KIF16B: variants seen among roughly 807,000 people sequenced by gnomAD.
KIF16B encodes kinesin-like protein KIF16B.
KIF16B carries 98 observed loss-of-function variants against 156.3 expected under a neutral mutation model. The observed-to-expected ratio is 0.63, with a 90% CI of 0.53 to 0.74. The LOEUF is 0.74. KIF16B is among the 30% of genes least tolerant of loss of function. KIF16B has a pLI of 0.00. For missense variants in KIF16B, 1,421 were observed against 1,606.5 expected (o/e 0.88, Z 1.97); for synonymous variants, 564 against 583.7 (o/e 0.97, Z 0.49).
intron 25 of KIF16B, among the ~76,000 whole-genome samples, chr20:16,311,215 G>A (rs991008983): frequency 1.3e-5 from 2 of 152,222 alleles, no homozygotes; most frequent in Non-Finnish European, 2.9e-5. Context: ...AGGGCTGGGC[G>A]CAGTGGCTCA....
intron 23 of KIF16B, among the ~76,000 whole-genome samples, chr20:16,355,724 G>A (rs950243455): frequency 2.6e-5 from 4 of 152,172 alleles, no homozygotes; most frequent in Non-Finnish European, 5.9e-5. Context: ...AAACCATGAC[G>A]TAAGGAAACA....
chr20:16,341,607 C>T (rs902968317), intron 23 of KIF16B, among the ~76,000 whole-genome samples: 2 of 152,226 alleles, frequency 1.3e-5, no homozygotes, highest in African/African-American at 4.8e-5. Flanking sequence ...CTTCTGCCCT[C>T]GATATTTCAG....
At chr20:16,509,395 A>C (rs2068887159) in intron 6 of KIF16B, among the ~76,000 whole-genome samples, 1 of 152,168 alleles carries the variant, frequency 6.6e-6, no homozygotes, top group Non-Finnish European at 1.5e-5. Flanking sequence ...ACTATTGCAA[A>C]ATTGTTCTCC....
At chr20:16,352,294 C>A (rs1377274863) in intron 23 of KIF16B, among the ~76,000 whole-genome samples, 2 of 152,220 alleles carry the variant, frequency 1.3e-5, no homozygotes, top group East Asian at 3.8e-4. Flanking sequence ...TCTTAAAAAA[C>A]TAAATGAGAT....
intron 22 of KIF16B, chr20:16,369,068 A>G: frequency 1.0e-6 from 1 of 985,830 alleles, no homozygotes; most frequent in Non-Finnish European, 1.2e-6. Flanking sequence ...GGTACTGAGG[A>G]CTGATCCCTC....
intron 24 of KIF16B, among the ~76,000 whole-genome samples, chr20:16,314,604 C>T (rs1375111354): frequency 2.0e-5 from 3 of 152,216 alleles, no homozygotes; most frequent in Admixed American, 6.5e-5. Flanking sequence ...TTACTAGCTA[C>T]GTTTCTCTGA....
At chr20:16,573,109 G>T in intron 1 of KIF16B, 120 bp downstream of exon 1, 1 of 966,472 alleles carries the variant, frequency 1.0e-6, no homozygotes, top group Non-Finnish European at 1.6e-6. Context: ...GCCTGGGCCC[G>T]GTGGGCCAGG....
chr20:16,382,743 C>T (rs1040470221), intron 17 of KIF16B, among the ~76,000 whole-genome samples: 1 of 152,076 alleles, frequency 6.6e-6, no homozygotes, highest in African/African-American at 2.4e-5. Flanking sequence ...ACACTGCCAG[C>T]TACCTCCCCC....
chr20:16,429,938 C>T lies in KIF16B; in HGVS notation c.1347G>A (p.Leu449=). 6.2e-7 allele frequency: 1 copy of T among 1,612,478 alleles called. No homozygotes were observed. Among genetic ancestry groups the T allele is most frequent in the Non-Finnish European group, 8.5e-7 (1 of 1,179,122 alleles). Residue 449 remains leucine, a synonymous_variant, in exon 13 of 26, where the codon TTG becomes TTA. Coordinates refer to ENST00000354981, the MANE Select transcript of KIF16B (RefSeq NM_024704.5). Reference sequence around the variant, plus strand: ...CAATCAAATGAGGCAGTTCAGAATCCAAAACAACTCCAATCCCTTCTTTCC... The same window carrying T: ...CAATCAAATGAGGCAGTTCAGAATCTAAAACAACTCCAATCCCTTCTTTCC... ...ALRKEGIGVV[L]DSELPHLIGI...
At chr20:16,487,113 C>T (rs371991138) in intron 12 of KIF16B, among the ~76,000 whole-genome samples, 7 of 151,892 alleles carry the variant, frequency 4.6e-5, no homozygotes, top group East Asian at 1.9e-4. Context: ...ATTAGCTGGG[C>T]GTGGTGGTGG....
intron 17 of KIF16B, among the ~76,000 whole-genome samples, chr20:16,401,701 C>T (rs1434633332): frequency 1.3e-5 from 2 of 152,164 alleles, no homozygotes; most frequent in Admixed American, 1.3e-4. Flanking sequence ...CCCTGTCTCC[C>T]CCATCTCAGG....
At chr20:16,284,739 G>C (rs568538476) in intron 25 of KIF16B, among the ~76,000 whole-genome samples, 2 of 152,262 alleles carry the variant, frequency 1.3e-5, no homozygotes, top group East Asian at 3.9e-4. Flanking sequence ...ACTGTAGTTT[G>C]CCAATCCCTG....
chr20:16,425,242 G>C (rs1467697314), intron 15 of KIF16B, among the ~76,000 whole-genome samples: 1 of 152,102 alleles, frequency 6.6e-6, no homozygotes, highest in Non-Finnish European at 1.5e-5. Flanking sequence ...GTGAGGACAG[G>C]ACACGAAAGC....
chr20:16,380,888 C>T (rs2065077803), intron 18 of KIF16B, among the ~76,000 whole-genome samples: 1 of 152,142 alleles, frequency 6.6e-6, no homozygotes, highest in African/African-American at 2.4e-5. Flanking sequence ...AGGAAGAACA[C>T]AGAGTTAGAG....
chr20:16,410,768 C>T (rs541206076), intron 15 of KIF16B, among the ~76,000 whole-genome samples: 51 of 152,026 alleles, frequency 3.4e-4, no homozygotes, highest in Admixed American at 1.4e-3. Context: ...GCATAATGAA[C>T]AAGTAGGAAA....
At chr20:16,289,163 T>C (rs1368283260) in intron 25 of KIF16B, among the ~76,000 whole-genome samples, 1 of 152,208 alleles carries the variant, frequency 6.6e-6, no homozygotes, top group Non-Finnish European at 1.5e-5. Flanking sequence ...GAACATCTTA[T>C]GTAGTTTATT....
intron 15 of KIF16B, among the ~76,000 whole-genome samples, chr20:16,406,683 A>G (rs1381566048): frequency 2.6e-5 from 4 of 152,200 alleles, no homozygotes; most frequent in African/African-American, 9.6e-5. Context: ...CATATCCATA[A>G]TATCCAGCAG....
intron 3 of KIF16B, among the ~76,000 whole-genome samples, chr20:16,519,904 G>A (rs551783008): frequency 3.9e-5 from 6 of 152,304 alleles, no homozygotes; most frequent in South Asian, 2.1e-4. Context: ...GCCTCACCCC[G>A]GGAAGTGCAA....
At chr20:16,527,234 G>C (rs2069579808) in intron 2 of KIF16B, among the ~76,000 whole-genome samples, 1 of 152,238 alleles carries the variant, frequency 6.6e-6, no homozygotes, top group African/African-American at 2.4e-5. Context: ...GTGCTAAGCA[G>C]AGGAAGAAAG....
Sources: allele counts gnomAD v4.1 joint callset (sites outside exome capture counted in the v4.1 genomes callset), GRCh38; gene constraint gnomAD v4.1.1; transcripts MANE v1.5; gene names NCBI Gene and HGNC (gene_info 2026-07-23, HGNC 2026-07-21).